The following CUX2 variants were observed in gnomAD, a reference collection of about 807,000 sequenced individuals.
CUX2 encodes cut like homeobox 2.
A neutral mutation model predicts 144.8 loss-of-function variants in CUX2; 40 were observed. The observed-to-expected ratio is 0.28, with a 90% CI of 0.21 to 0.36. The LOEUF (loss-of-function observed/expected upper bound fraction) is 0.36, where lower values mean the gene tolerates loss of function less well. CUX2 is among the 10% of genes least tolerant of loss of function. CUX2 has a pLI of 1.00. For synonymous variants in CUX2, 827 were observed against 875.6 expected, an observed-to-expected ratio of 0.94 and a Z score of 0.98; for missense variants, 1,615 against 1,994.0, an observed-to-expected ratio of 0.81 and a Z score of 3.62.
chr12:111,306,929 G>T lies in CUX2; in HGVS notation c.867G>T (p.Val289=). ...CSPQGPSGDK[V]NFTLCSGPRL... ...GACCCCTTTGCCTGCAGGATAAGGTGAACTTCACTCTGTGCTCGGGCCCTC... is the reference window on the plus strand; with the variant it reads ...GACCCCTTTGCCTGCAGGATAAGGTTAACTTCACTCTGTGCTCGGGCCCTC... Residue 289 remains valine (V), a synonymous_variant, in exon 11 of 22, where the codon GTG becomes GTT. Coordinates refer to ENST00000261726, the MANE Select transcript of CUX2 (RefSeq NM_015267.4). 6.2e-7 allele frequency: 1 copy of T among 1,603,378 alleles called. No homozygotes were observed. The highest frequency in any genetic ancestry group is 1.1e-5 in the South Asian group (1 of 89,984).
chr12:111,186,932 C>T lies in CUX2; in HGVS notation c.64-27268C>T, dbSNP rs78356753. 4.8e-4 allele frequency among the ~76,000 whole-genome samples: 73 copies of T among 152,200 alleles called. No individual in the cohort carries two copies. The East Asian group carries it at 0.014, about 28-fold the overall frequency. ...TAGCTGGGATTACAGGCACGTGCCA[C>T]CATGCCTGGCTAATTTTTGTATTTT... On this transcript the variant is annotated intron_variant, in intron 1 of 21. Transcript: ENST00000261726. This position sits in a 1 kb window ranked among gnomAD's most constrained non-coding sequence, Gnocchi z 4.4.
intron 1 of CUX2, among the ~76,000 whole-genome samples, chr12:111,036,534 T>C (rs1869455333): frequency 6.6e-6 from 1 of 151,936 alleles, no homozygotes; most frequent in Non-Finnish European, 1.5e-5. Context: ...AAAGCAAATT[T>C]GAACTGGAAA....
chr12:111,310,338 C>T lies in CUX2; in HGVS notation c.1556C>T (p.Ala519Val). 1.3e-6 allele frequency: 2 copies of T among 1,537,872 alleles called. No homozygotes were observed. Among genetic ancestry groups the T allele is most frequent in the East Asian group, 2.3e-5 (1 of 42,622 alleles). Reference protein sequence around the residue: ...PAFYGAKPPTAPATPAPGPEP... With the variant: ...PAFYGAKPPTVPATPAPGPEP... ...TTCTATGGCGCCAAGCCCCCCACAG[C>T]CCCTGCCACCCCGGCCCCTGGCCCT... is the stretch of plus-strand genomic sequence containing the variant. Residue 519 changes from alanine (A) to valine (V), a missense_variant, in exon 15 of 22, where the codon GCC becomes GTC. Coordinates refer to ENST00000261726, the MANE Select transcript of CUX2 (RefSeq NM_015267.4). This position sits in a 1 kb window ranked among gnomAD's most constrained non-coding sequence, Gnocchi z 7.9.
At chr12:111,290,753 G>C (rs1885629298) in intron 4 of CUX2, among the ~76,000 whole-genome samples, 1 of 151,968 alleles carries the variant, frequency 6.6e-6, no homozygotes, top group Non-Finnish European at 1.5e-5. Flanking sequence ...TTGCAGAGAT[G>C]AGATCTTGCC....
chr12:111,226,550 G>C (rs1432627379), intron 3 of CUX2, among the ~76,000 whole-genome samples: 2 of 152,072 alleles, frequency 1.3e-5, no homozygotes, highest in Non-Finnish European at 2.9e-5. Flanking sequence ...ATTTGCAGTT[G>C]TTCCGGGTAT....
chr12:111,230,664 A>T (rs773714994), intron 3 of CUX2, among the ~76,000 whole-genome samples: 1 of 152,222 alleles, frequency 6.6e-6, no homozygotes, highest in African/African-American at 2.4e-5. Flanking sequence ...GGATTGTAAA[A>T]GATTCTGGTG....
rs1217213552 is a variant in CUX2, at chr12:111,061,055, T to TCC, written c.63+26819_63+26820dup. 6.6e-6 allele frequency among the ~76,000 whole-genome samples: 1 copy of TCC among 151,938 alleles called. No homozygotes were observed. Among genetic ancestry groups the TCC allele is most frequent in the Non-Finnish European group, 1.5e-5 (1 of 67,986 alleles). ...ACCTCCAGCTGGCCCTGCTGCCCCC[T>TCC]CCCCCGCTTCCTTGGGGCTGTTCAT... is the stretch of plus-strand genomic sequence containing the variant. On this transcript the variant is annotated intron_variant, in intron 1 of 21. Transcript: ENST00000261726. This position sits in a 1 kb window ranked among gnomAD's most constrained non-coding sequence, Gnocchi z 4.2.
chr12:111,231,498 A>G (rs968676728), intron 3 of CUX2, among the ~76,000 whole-genome samples: 1 of 152,256 alleles, frequency 6.6e-6, no homozygotes, highest in African/African-American at 2.4e-5. Context: ...GGCTGACCCC[A>G]GTAAACTACC....
At chr12:111,238,811 G>A (rs1413104799) in intron 3 of CUX2, among the ~76,000 whole-genome samples, 2 of 152,228 alleles carry the variant, frequency 1.3e-5, no homozygotes, top group Non-Finnish European at 2.9e-5. Context: ...TTGGGAGACC[G>A]AGGCGGGTGG....
At chr12:111,073,123 A>G (rs1053989454) in intron 1 of CUX2, among the ~76,000 whole-genome samples, 2 of 152,130 alleles carry the variant, frequency 1.3e-5, no homozygotes, top group African/African-American at 2.4e-5. Flanking sequence ...TTTCCACTCA[A>G]ATTAAGAACT....
Position 111,347,656 on chromosome 12 carries a change from G to A in CUX2, c.3792G>A (p.Glu1264=). Residue 1264 remains glutamate, a synonymous_variant, in exon 22 of 22, where the codon GAG becomes GAA. Coordinates refer to ENST00000261726, the MANE Select transcript of CUX2 (RefSeq NM_015267.4). ...CCACCCCGCAGAGCCCTGACTCTGA[G>A]ACTGAGGACCAGAAGCCAACCGTGA... ...PDPTPQSPDS[E]TEDQKPTVKE... 6.2e-7 allele frequency: 1 copy of A among 1,612,154 alleles called. No homozygotes were observed. Among genetic ancestry groups the A allele is most frequent in the Non-Finnish European group, 8.5e-7 (1 of 1,178,942 alleles).
intron 1 of CUX2, among the ~76,000 whole-genome samples, chr12:111,093,413 T>G (rs1205446913): frequency 1.3e-5 from 2 of 151,844 alleles, no homozygotes; most frequent in Admixed American, 6.6e-5. Flanking sequence ...GAACTGTGTG[T>G]GGGGCGGTGA....
intron 1 of CUX2, among the ~76,000 whole-genome samples, chr12:111,063,052 C>CA (rs1870851412): frequency 6.6e-6 from 1 of 152,110 alleles, no homozygotes; most frequent in African/African-American, 2.4e-5. Context: ...GGTTTGAGGA[C>CA]AGAGAGCCTG....
At chr12:111,131,760 C>T (rs1288237464) in intron 1 of CUX2, among the ~76,000 whole-genome samples, 1 of 152,228 alleles carries the variant, frequency 6.6e-6, no homozygotes, top group South Asian at 2.1e-4. Flanking sequence ...CCAGATCTCA[C>T]ATCCAGGTCA....
chr12:111,242,505 G>A (rs1215947641), intron 3 of CUX2, among the ~76,000 whole-genome samples: 2 of 152,194 alleles, frequency 1.3e-5, no homozygotes, highest in African/African-American at 4.8e-5. Flanking sequence ...CAGGTTTGCT[G>A]ATCTGTGTTC....
intron 4 of CUX2, among the ~76,000 whole-genome samples, chr12:111,283,433 G>T (rs1337294315): frequency 1.3e-5 from 2 of 152,126 alleles, no homozygotes; most frequent in African/African-American, 4.8e-5. Flanking sequence ...CTTGAAGGGA[G>T]CTCTGAGTGG....
chr12:111,225,407 G>A (rs1299756799), intron 3 of CUX2, among the ~76,000 whole-genome samples: 5 of 152,328 alleles, frequency 3.3e-5, no homozygotes, highest in Middle Eastern at 3.4e-3. Context: ...AGGGACATCA[G>A]CTGGCAAGGT....
intron 1 of CUX2, chr12:111,099,420 C>A (rs898037932): frequency 2.0e-5 from 8 of 393,178 alleles, no homozygotes; most frequent in Admixed American, 8.8e-5. Context: ...TATGTGGTTT[C>A]TCTTCTTCCT....
intron 2 of CUX2, 53 bp downstream of exon 2, chr12:111,214,363 T>G (rs893361076): frequency 2.7e-5 from 29 of 1,078,158 alleles, no homozygotes; most frequent in South Asian, 1.7e-4. Flanking sequence ...CAGATTTCTC[T>G]CCATTCAAAC....
Sources: gnomAD v4.1 joint callset for allele counts (sites outside exome capture counted in the v4.1 genomes callset) on GRCh38, gnomAD v4.1.1 for gene constraint, Gnocchi (gnomAD v3.1) non-coding constraint, MANE v1.5 for transcripts, NCBI Gene and HGNC (gene_info 2026-07-23, HGNC 2026-07-21) for gene names.